Variants in EBPL observed in about 807,000 individuals in gnomAD.
EBPL encodes emopamil-binding protein-like.
Under a neutral mutation model 19.0 loss-of-function variants are expected in EBPL, and 20 were observed. The observed-to-expected ratio is 1.05, with a 90% CI of 0.74 to 1.53. EBPL has a LOEUF of 1.53. EBPL is among the 40% of genes most tolerant of loss of function. The pLI is 0.00. For missense variants in EBPL, 219 were observed against 261.1 expected (o/e 0.84, Z 1.11); for synonymous variants, 107 against 117.0 (o/e 0.91, Z 0.55).
At chr13:49,670,205 A>G (rs574424634) in intron 1 of EBPL, among the ~76,000 whole-genome samples, 1 of 152,192 alleles carries the variant, frequency 6.6e-6, no homozygotes, top group African/African-American at 2.4e-5. Flanking sequence ...GTCTTTGCGG[A>G]GAACCCCACA....
chr13:49,689,935 A>T (rs935838195), intron 1 of EBPL, among the ~76,000 whole-genome samples: 50 of 152,016 alleles, frequency 3.3e-4, no homozygotes, highest in Non-Finnish European at 4.4e-5. Flanking sequence ...AGATCATCTG[A>T]TGTTAGGGGT....
At chr13:49,676,314 G>A (rs1261221728) in intron 1 of EBPL, among the ~76,000 whole-genome samples, 2 of 152,184 alleles carry the variant, frequency 1.3e-5, no homozygotes, top group Non-Finnish European at 2.9e-5. Flanking sequence ...TAGTGAGGCC[G>A]GGTGCAGTGG....
Position 49,691,351 on chromosome 13 carries a change from C to T in EBPL, c.74G>A (p.Gly25Asp). 1 of 1,357,000 alleles carries T rather than the reference C, an allele frequency of 7.4e-7. No homozygotes were observed. The highest frequency in any genetic ancestry group is 9.5e-7 in the Non-Finnish European group (1 of 1,050,852). The allele number at this position is 1,357,000 out of a possible 1,614,324, so 84.1% of individuals were successfully genotyped here. Residue 25 changes from glycine (G) to aspartate (D), a missense_variant, in exon 1 of 4, where the codon GGC (glycine) becomes GAC (aspartate). Gly to Asp is a moderately conservative substitution (Grantham distance 94). Coordinates refer to ENST00000242827, the MANE Select transcript of EBPL (RefSeq NM_032565.5). ...GCCCAGGCGCAGGCCCAGGGCGCAG[C>T]CCGCCGCCAGCAGCGCGGCGCACAG... ...LLLCAALLAA[G>D]CALGLRLGRG...
chr13:49,687,814 T>C (rs1954015580), intron 1 of EBPL, among the ~76,000 whole-genome samples: 1 of 152,246 alleles, frequency 6.6e-6, no homozygotes, highest in South Asian at 2.1e-4. Context: ...GACTACCTTG[T>C]TAACTTCTAA....
intron 2 of EBPL, among the ~76,000 whole-genome samples, chr13:49,665,438 A>G (rs1349517009): frequency 6.6e-6 from 1 of 152,112 alleles, no homozygotes; most frequent in Non-Finnish European, 1.5e-5. Flanking sequence ...TGCCCGGCTA[A>G]TTTTGTATTT....
At chr13:49,688,351 G>A (rs1954021045) in intron 1 of EBPL, among the ~76,000 whole-genome samples, 1 of 152,130 alleles carries the variant, frequency 6.6e-6, no homozygotes, top group South Asian at 2.1e-4. Flanking sequence ...GGAATGCTTG[G>A]CTTGAAACTG....
intron 1 of EBPL, among the ~76,000 whole-genome samples, chr13:49,689,041 AAT>A (rs1954032134): frequency 6.6e-6 from 1 of 152,224 alleles, no homozygotes; most frequent in Non-Finnish European, 1.5e-5. Flanking sequence ...GTATTCATCA[AAT>A]ATAAGATACA....
chr13:49,662,946 C>T (rs539537465), intron 3 of EBPL, 111 bp downstream of exon 3: 16 of 1,408,778 alleles, frequency 1.1e-5, no homozygotes, highest in South Asian at 2.8e-5. Flanking sequence ...TCTATTCTTC[C>T]ACCTTTTATC....
intron 1 of EBPL, among the ~76,000 whole-genome samples, chr13:49,680,947 G>A (rs1435180404): frequency 2.6e-5 from 4 of 152,218 alleles, no homozygotes; most frequent in Non-Finnish European, 4.4e-5. Flanking sequence ...TCCCAATCAC[G>A]TTTCCCAGAG....
chr13:49,687,000 CCTCA>C (rs1469727969), intron 1 of EBPL, among the ~76,000 whole-genome samples: 1 of 152,058 alleles, frequency 6.6e-6, no homozygotes, highest in African/African-American at 2.4e-5. Context: ...GTTAGCAAGG[CCTCA>C]CTATGTTAGC....
intron 1 of EBPL, chr13:49,686,527 C>A: frequency 1.6e-6 from 2 of 1,289,626 alleles, no homozygotes; most frequent in Non-Finnish European, 2.0e-6. Context: ...TATCAGTGTT[C>A]TTGAAATTCC....
At chr13:49,689,377 TC>T (rs1363981544) in intron 1 of EBPL, among the ~76,000 whole-genome samples, 1 of 152,056 alleles carries the variant, frequency 6.6e-6, no homozygotes, top group African/African-American at 2.4e-5. Flanking sequence ...CAAGATAGAG[TC>T]TTGCTCTGTT....
chr13:49,675,139 C>A (rs1953862238), intron 1 of EBPL, among the ~76,000 whole-genome samples: 1 of 152,206 alleles, frequency 6.6e-6, no homozygotes, highest in Non-Finnish European at 1.5e-5. Flanking sequence ...GTGTGGACAT[C>A]ATAGAGTGTA....
intron 1 of EBPL, among the ~76,000 whole-genome samples, chr13:49,678,553 G>A (rs1953905565): frequency 6.6e-6 from 1 of 152,208 alleles, no homozygotes; most frequent in Admixed American, 6.5e-5. Context: ...GCTGGCCCGG[G>A]TGCTAAGCCC....
intron 1 of EBPL, among the ~76,000 whole-genome samples, chr13:49,683,049 C>T (rs1300188543): frequency 1.3e-5 from 2 of 152,136 alleles, no homozygotes; most frequent in Admixed American, 1.3e-4. Context: ...TCTTGGCTCA[C>T]TGCAACCTCC....
intron 1 of EBPL, among the ~76,000 whole-genome samples, chr13:49,682,290 T>C (rs2137506899): frequency 6.6e-6 from 1 of 152,322 alleles, no homozygotes; most frequent in East Asian, 1.9e-4. Flanking sequence ...ACTTGAATCA[T>C]ATTTCTCCCT....
At chr13:49,663,338 CAGG>C (rs1200907024) in intron 2 of EBPL, 143 bp from the exon 3 acceptor site, 15 of 1,098,340 alleles carry the variant, frequency 1.4e-5, no homozygotes, top group Middle Eastern at 2.1e-4. Context: ...TAGTGGAAGG[CAGG>C]AGAAGCCCTG....
At chr13:49,667,707 A>T (rs964988194) in intron 2 of EBPL, among the ~76,000 whole-genome samples, 2 of 151,930 alleles carry the variant, frequency 1.3e-5, no homozygotes, top group African/African-American at 4.8e-5. Flanking sequence ...CTAAATTCAA[A>T]CTCCTGGGCT....
At chr13:49,663,269 C>T in intron 2 of EBPL, 74 bp from the exon 3 acceptor site, 2 of 1,566,510 alleles carry the variant, frequency 1.3e-6, no homozygotes, top group Non-Finnish European at 1.8e-6. Context: ...ACCTTTCTTT[C>T]CTTTAAGGTG....
Sources: gnomAD v4.1 joint callset for allele counts (sites outside exome capture counted in the v4.1 genomes callset) on GRCh38, gnomAD v4.1.1 for gene constraint, MANE v1.5 for transcripts, NCBI Gene and HGNC (gene_info 2026-07-23, HGNC 2026-07-21) for gene names.